Variants in NREP observed in about 807,000 individuals in gnomAD.
NREP encodes neuronal regeneration-related protein.
A neutral mutation model predicts 8.6 loss-of-function variants in NREP; 5 were observed. That is an observed-to-expected ratio of 0.58 (90% CI 0.30 to 1.22). The LOEUF is 1.22. Among genes scored for constraint, NREP ranks in the 50% most tolerant of loss-of-function variants. The pLI, the probability that NREP is intolerant of heterozygous loss-of-function variation, is 0.07. For synonymous variants in NREP, 27 were observed against 28.0 expected (o/e 0.96, Z 0.11); for missense variants, 86 against 82.5 (o/e 1.04, Z -0.17).
At chr5:111,838,879 TA>T (rs1275866670) in intron 2 of NREP, among the ~76,000 whole-genome samples, 8 of 152,074 alleles carry the variant, frequency 5.3e-5, no homozygotes, top group African/African-American at 1.7e-4. Flanking sequence ...AGATGAGCTC[TA>T]AAGGACATGT....
intron 2 of NREP, among the ~76,000 whole-genome samples, chr5:111,845,498 TCACA>T: frequency 6.6e-6 from 1 of 152,284 alleles, no homozygotes; most frequent in Middle Eastern, 3.4e-3. Context: ...TGTTGAGAAT[TCACA>T]CACAGACATT....
intron 2 of NREP, among the ~76,000 whole-genome samples, chr5:111,793,946 T>C (rs527593748): frequency 3.2e-4 from 49 of 152,110 alleles, no homozygotes; most frequent in Admixed American, 7.9e-4. Context: ...GTCCCCCAGC[T>C]ACTCGAGAGG....
chr5:111,891,993 A>G (rs1754406181), intron 2 of NREP, among the ~76,000 whole-genome samples: 1 of 152,226 alleles, frequency 6.6e-6, no homozygotes, highest in Non-Finnish European at 1.5e-5. Context: ...AGCAGAATGT[A>G]GAAGTAGAGG....
intron 2 of NREP, among the ~76,000 whole-genome samples, chr5:111,793,722 C>A (rs185316677): frequency 6.0e-4 from 92 of 152,266 alleles, no homozygotes; most frequent in African/African-American, 1.7e-3. Flanking sequence ...TAATGCTTTA[C>A]GCTCAATGAA....
chr5:111,901,606 T>G (rs1288545969), intron 2 of NREP, among the ~76,000 whole-genome samples: 1 of 152,054 alleles, frequency 6.6e-6, no homozygotes, highest in Non-Finnish European at 1.5e-5. Context: ...GTCAACAAAT[T>G]CAGTAAAGTT....
intron 2 of NREP, among the ~76,000 whole-genome samples, chr5:111,825,581 T>G (rs1002571155): frequency 1.3e-5 from 2 of 152,214 alleles, no homozygotes; most frequent in African/African-American, 4.8e-5. Context: ...GGATTTTTGG[T>G]AGCTCACAAA....
At chr5:111,899,205 A>T (rs1200404490) in intron 2 of NREP, among the ~76,000 whole-genome samples, 1 of 152,204 alleles carries the variant, frequency 6.6e-6, no homozygotes, top group Non-Finnish European at 1.5e-5. Context: ...GTCAAATTTT[A>T]TTGCTACAAA....
chr5:111,756,236 T>C (rs952289329), intron 1 of NREP: 5 of 986,654 alleles, frequency 5.1e-6, no homozygotes, highest in South Asian at 4.6e-5. Flanking sequence ...CACCGTGTAG[T>C]GTAATGCCTC....
intron 2 of NREP, among the ~76,000 whole-genome samples, chr5:111,901,196 T>A (rs1754638189): frequency 6.6e-6 from 1 of 152,184 alleles, no homozygotes; most frequent in Non-Finnish European, 1.5e-5. Flanking sequence ...ATATCACATT[T>A]ATTGGTTTGC....
intron 2 of NREP, among the ~76,000 whole-genome samples, chr5:111,930,511 C>T (rs987069476): frequency 6.6e-6 from 1 of 152,118 alleles, no homozygotes; most frequent in East Asian, 1.9e-4. Context: ...TCAAGAGCTG[C>T]TAAAGGGCTC....
At chr5:111,804,257 CA>C (rs1437163734) in intron 2 of NREP, among the ~76,000 whole-genome samples, 23 of 152,110 alleles carry the variant, frequency 1.5e-4, no homozygotes, top group Admixed American at 1.2e-3. Context: ...CGATAAAGGT[CA>C]CATTTCAAAA....
At chr5:111,958,731 A>G (rs1329328882) in intron 2 of NREP, among the ~76,000 whole-genome samples, 1 of 151,994 alleles carries the variant, frequency 6.6e-6, no homozygotes, top group African/African-American at 2.4e-5. Context: ...ATAATTTATG[A>G]TTTTATGCAA....
chr5:111,810,543 C>G (rs1385382758), intron 2 of NREP, among the ~76,000 whole-genome samples: 1 of 152,148 alleles, frequency 6.6e-6, no homozygotes, highest in Non-Finnish European at 1.5e-5. Flanking sequence ...GTTACTGTCA[C>G]CCTGAAAAGC....
intron 2 of NREP, among the ~76,000 whole-genome samples, chr5:111,855,918 T>G (rs181237591): frequency 1.5e-4 from 23 of 152,214 alleles, no homozygotes; most frequent in Non-Finnish European, 1.5e-5. Context: ...GAAAGGAAGT[T>G]TGTGAAGAAT....
At chr5:111,845,559 T>A (rs1199701832) in intron 2 of NREP, among the ~76,000 whole-genome samples, 1 of 152,176 alleles carries the variant, frequency 6.6e-6, no homozygotes, top group African/African-American at 2.4e-5. Context: ...ATGTAAAAAG[T>A]CATGCGTTAT....
chr5:111,824,524 C>A (rs1752578121), intron 2 of NREP, among the ~76,000 whole-genome samples: 1 of 152,022 alleles, frequency 6.6e-6, no homozygotes, highest in Non-Finnish European at 1.5e-5. Flanking sequence ...AAACACAGCT[C>A]TTTTTTAATG....
At chr5:111,864,779 C>A (rs184864851) in intron 2 of NREP, among the ~76,000 whole-genome samples, 1 of 151,924 alleles carries the variant, frequency 6.6e-6, no homozygotes. Context: ...ATGGAAATAT[C>A]GTACCTATCA....
At chr5:111,973,998 A>G (rs1407606072) in intron 2 of NREP, among the ~76,000 whole-genome samples, 2 of 152,214 alleles carry the variant, frequency 1.3e-5, no homozygotes, top group Non-Finnish European at 2.9e-5. Flanking sequence ...CAGTTCTCCA[A>G]TACTGAACAT....
chr5:111,736,891 A>C (rs574451084), intron 2 of NREP, among the ~76,000 whole-genome samples: 413 of 152,274 alleles, frequency 2.7e-3, no homozygotes, highest in Non-Finnish European at 3.9e-3. Flanking sequence ...CTAGGTTTCC[A>C]GATTCTAAAC....
Sources: allele counts gnomAD v4.1 joint callset (sites outside exome capture counted in the v4.1 genomes callset), GRCh38; gene constraint gnomAD v4.1.1; transcripts MANE v1.5; gene names NCBI Gene and HGNC (gene_info 2026-07-23, HGNC 2026-07-21).